CCDC85C: variants seen among roughly 807,000 people sequenced by gnomAD.
CCDC85C encodes the protein coiled-coil domain-containing protein 85C.
Under a neutral mutation model 38.3 loss-of-function variants are expected in CCDC85C, and 18 were observed. The observed-to-expected ratio is 0.47, with a 90% CI of 0.33 to 0.70. CCDC85C has a LOEUF of 0.70. Ranked by LOEUF, CCDC85C falls within the 30% of genes least tolerant of loss-of-function variation. The pLI is 0.03. For missense variants in CCDC85C, 566 were observed against 621.2 expected, an observed-to-expected ratio of 0.91 and a Z score of 0.94; for synonymous variants, 264 against 293.8, an observed-to-expected ratio of 0.90 and a Z score of 1.04.
At position 99,548,074 on chromosome 14, in the gene CCDC85C, C is replaced by T. The variant is rs184999526; in HGVS notation, c.794-11986G>A. ...AAGAACAAACCATGAAGGGAACGACCGTGAAACCCGACTATATGAGGATTA... is the reference window on the plus strand; with the variant it reads ...AAGAACAAACCATGAAGGGAACGACTGTGAAACCCGACTATATGAGGATTA... On this transcript the variant is annotated intron_variant, in intron 1 of 5. Transcript: ENST00000380243. The surrounding 1 kb of genome is among the most constrained non-coding windows in gnomAD (Gnocchi z 4.9). 2.8e-3 allele frequency among the ~76,000 whole-genome samples: 431 copies of T among 152,116 alleles called. 1 individual carries two copies. Among genetic ancestry groups the T allele is most frequent in the Non-Finnish European group, 2.5e-3 (170 of 67,992 alleles).
chr14:99,513,264 A>G lies in CCDC85C; in HGVS notation c.*1982T>C, dbSNP rs769830285. 2.0e-5 allele frequency: 3 copies of G among 152,182 alleles called. No individual in the cohort carries two copies. The highest frequency in any genetic ancestry group is 4.4e-5 in the Non-Finnish European group (3 of 68,040). The allele number at this position is 152,182 out of a possible 1,614,324, so 9.4% of individuals were successfully genotyped here. ...GGCTCCCAGACTTGGCTGCCACTCA[A>G]AATGGACCCACAGCCCTTGGGCTAC... On this transcript the variant is annotated 3_prime_UTR_variant, in exon 6 of 6. Coordinates refer to ENST00000380243, the MANE Select transcript of CCDC85C (RefSeq NM_001144995.2).
Position 99,603,650 on chromosome 14 carries a change from CGCGCGCCAGCTT to C in CCDC85C, c.298_309del (p.Lys100_Arg103del). On this transcript the variant is annotated inframe_deletion, in exon 1 of 6. Transcript: ENST00000380243. The surrounding 1 kb of genome is among the most constrained non-coding windows in gnomAD (Gnocchi z 7.5). ...GCGTGGCGCCCGAAGCGCTGCCACT[CGCGCGCCAGCTT>C]GCGCCCCTTCTGCCGGTCGTCGTCG... 6.8e-7 allele frequency: 1 copy of C among 1,478,258 alleles called. No individual in the cohort carries two copies. Among genetic ancestry groups the C allele is most frequent in the Admixed American group, 2.2e-5 (1 of 46,050 alleles). The allele number at this position is 1,478,258 out of a possible 1,614,324, so 91.6% of individuals were successfully genotyped here.
chr14:99,501,065 A>G lies in CCDC85C; in HGVS notation c.*14181T>C. The G allele has an allele frequency of 3.3e-6, 2 of 604,134 alleles. No homozygotes were observed. Among genetic ancestry groups the G allele is most frequent in the Non-Finnish European group, 5.8e-6 (2 of 343,548 alleles). 37.4% of individuals were successfully genotyped at this position (604,134 alleles called of 1,614,324 possible). A position where few individuals can be genotyped will look rare whatever the true frequency, so the allele number is the denominator to read the frequency against. ...CTTTTATGTATAAACAGGCTCTGTC[A>G]TCCAGTTGCCAAGTGATGGGAGAGG... On this transcript the variant is annotated 3_prime_UTR_variant, in exon 6 of 6. Transcript: ENST00000380243.
intron 1 of CCDC85C, among the ~76,000 whole-genome samples, chr14:99,598,752 G>C (rs1488432563): frequency 1.3e-5 from 2 of 152,136 alleles, no homozygotes; most frequent in Non-Finnish European, 2.9e-5. Context: ...GCAAGTCACC[G>C]CACCACCACT....
At chr14:99,561,623 G>A (rs977613305) in intron 1 of CCDC85C, among the ~76,000 whole-genome samples, 5 of 152,158 alleles carry the variant, frequency 3.3e-5, no homozygotes, top group African/African-American at 1.2e-4. Context: ...TCTGTGCTGC[G>A]AGCGGGCAGA....
In CCDC85C at chr14:99,576,889, C is replaced by T. The variant is rs1335996301; in HGVS notation, c.793+26278G>A. Among the ~76,000 whole-genome samples the T allele has an allele frequency of 6.6e-6, 1 of 152,000 alleles. No homozygotes were observed. Among genetic ancestry groups the T allele is most frequent in the Non-Finnish European group, 1.5e-5 (1 of 67,960 alleles). On this transcript the variant is annotated intron_variant, in intron 1 of 5. Transcript: ENST00000380243. This position sits in a 1 kb window ranked among gnomAD's most constrained non-coding sequence, Gnocchi z 4.8. Reference sequence around the variant, plus strand: ...GGGGCAGCACTCTCTCCGGGTCACCCCGGATGCCTTCAGCACAGCTCCTAC... The same window carrying T: ...GGGGCAGCACTCTCTCCGGGTCACCTCGGATGCCTTCAGCACAGCTCCTAC...
In CCDC85C at chr14:99,520,652, G is replaced by A. The variant is rs1049394107; in HGVS notation, c.975+1481C>T. Among the ~76,000 whole-genome samples, 4 of 152,022 alleles carry A rather than the reference G, an allele frequency of 2.6e-5. No homozygotes were observed. The highest frequency in any genetic ancestry group is 1.9e-4 in the East Asian group (1 of 5,160). On this transcript the variant is annotated intron_variant, in intron 3 of 5. Coordinates refer to ENST00000380243, the MANE Select transcript of CCDC85C (RefSeq NM_001144995.2). This position sits in a 1 kb window ranked among gnomAD's most constrained non-coding sequence, Gnocchi z 4.1. ...GCCCCTGAACCTCAGTTTATCACCC[G>A]GCCTCCTGGCCTCATGGAGGAGCGA...
chr14:99,594,920 T>G (rs2055127461), intron 1 of CCDC85C, among the ~76,000 whole-genome samples: 1 of 152,192 alleles, frequency 6.6e-6, no homozygotes, highest in Non-Finnish European at 1.5e-5. Flanking sequence ...TGCATATTTA[T>G]CAGGTGGGGA....
chr14:99,591,879 C>A (rs990346395), intron 1 of CCDC85C, among the ~76,000 whole-genome samples: 6 of 152,062 alleles, frequency 3.9e-5, no homozygotes, highest in African/African-American at 1.4e-4. Context: ...GGATTACAGG[C>A]ATGTACCACC....
chr14:99,521,062 C>A (rs112072581), intron 3 of CCDC85C, among the ~76,000 whole-genome samples: 2 of 152,182 alleles, frequency 1.3e-5, no homozygotes, highest in Non-Finnish European at 2.9e-5. Flanking sequence ...GCAGGCCACG[C>A]GGAAGACTTC....
chr14:99,555,048 G>A, intron 1 of CCDC85C, among the ~76,000 whole-genome samples: 1 of 152,390 alleles, frequency 6.6e-6, no homozygotes, highest in East Asian at 1.9e-4. Flanking sequence ...GGGAGAGCCA[G>A]TGCCAGGATG....
In CCDC85C at chr14:99,503,711, A is replaced by C; in HGVS notation, c.*11535T>G. ...TATGCAAAACTTTAAATTCTTAGCCAACATTGTTTCTTTTCAGATCTAAAT... is the reference window on the plus strand; with the variant it reads ...TATGCAAAACTTTAAATTCTTAGCCCACATTGTTTCTTTTCAGATCTAAAT... On this transcript the variant is annotated 3_prime_UTR_variant, in exon 6 of 6. Coordinates refer to ENST00000380243, the MANE Select transcript of CCDC85C (RefSeq NM_001144995.2). 2 of 1,366,108 alleles carry C rather than the reference A, an allele frequency of 1.5e-6. No homozygotes were observed. The highest frequency in any genetic ancestry group is 2.6e-5 in the South Asian group (2 of 75,862). The allele number at this position is 1,366,108 out of a possible 1,614,324, so 84.6% of individuals were successfully genotyped here.
chr14:99,510,296 GCCCCCGCCCCCAC>G lies in CCDC85C; in HGVS notation c.*4937_*4949del. On this transcript the variant is annotated 3_prime_UTR_variant, in exon 6 of 6. Coordinates refer to ENST00000380243, the MANE Select transcript of CCDC85C (RefSeq NM_001144995.2). ...ACCAGCCACCGCCGCTGCCACACCG[GCCCCCGCCCCCAC>G]CCCCCTCCAGCTACATGACCGGGAT... is the stretch of plus-strand genomic sequence containing the variant. 4 of 1,397,736 alleles carry G rather than the reference GCCCCCGCCCCCAC, an allele frequency of 2.9e-6. No homozygotes were observed. The highest frequency in any genetic ancestry group is 3.9e-6 in the Non-Finnish European group (4 of 1,038,270). The allele number at this position is 1,397,736 out of a possible 1,614,324, so 86.6% of individuals were successfully genotyped here.
intron 2 of CCDC85C, among the ~76,000 whole-genome samples, chr14:99,526,671 G>A (rs533051610): frequency 4.1e-4 from 62 of 152,292 alleles, no homozygotes; most frequent in African/African-American, 1.4e-3. Context: ...CCAGGAAGAC[G>A]AAGCACTGTG....
Position 99,548,662 on chromosome 14 carries a change from T to G in CCDC85C, c.794-12574A>C, listed in dbSNP as rs1048440773. 6.6e-6 allele frequency among the ~76,000 whole-genome samples: 1 copy of G among 151,542 alleles called. No individual in the cohort carries two copies. The highest frequency in any genetic ancestry group is 1.5e-5 in the Non-Finnish European group (1 of 67,964). On this transcript the variant is annotated intron_variant, in intron 1 of 5. Coordinates refer to ENST00000380243, the MANE Select transcript of CCDC85C (RefSeq NM_001144995.2). The surrounding 1 kb of genome is among the most constrained non-coding windows in gnomAD (Gnocchi z 4.9). ...ATGAAATACTGTAGCGAGATAAAAA[T>G]GAACAAACAAGAGCCAGGCAGAGGG...
rs1897115391 is a variant in CCDC85C, at chr14:99,510,901, A to AGAATG, written c.*4340_*4344dup. ...AATGCACGACAGTTGCAGTATGGGA[A>AGAATG]GAATGGACCGGGCCCCTGGGATAAA... On this transcript the variant is annotated 3_prime_UTR_variant, in exon 6 of 6. Coordinates refer to ENST00000380243, the MANE Select transcript of CCDC85C (RefSeq NM_001144995.2). The AGAATG allele has an allele frequency of 2.3e-6, 2 of 882,386 alleles. No homozygotes were observed. The highest frequency in any genetic ancestry group is 3.1e-6 in the Non-Finnish European group (2 of 652,792). 54.7% of individuals were successfully genotyped at this position (882,386 alleles called of 1,614,324 possible).
At chr14:99,585,597 C>T (rs1359458297) in intron 1 of CCDC85C, among the ~76,000 whole-genome samples, 2 of 152,246 alleles carry the variant, frequency 1.3e-5, no homozygotes, top group African/African-American at 2.4e-5. Flanking sequence ...TGTCACCACA[C>T]ACGCGTCTTG....
chr14:99,557,240 G>A (rs548585293), intron 1 of CCDC85C, among the ~76,000 whole-genome samples: 47 of 152,312 alleles, frequency 3.1e-4, no homozygotes, highest in African/African-American at 1.1e-3. Flanking sequence ...TGCTGTAGTC[G>A]GGATTTGAGC....
At chr14:99,594,947 G>C (rs1397186104) in intron 1 of CCDC85C, among the ~76,000 whole-genome samples, 1 of 152,236 alleles carries the variant, frequency 6.6e-6, no homozygotes, top group Non-Finnish European at 1.5e-5. Flanking sequence ...GAAAGATGGG[G>C]ATAAGCTGTA....
Sources: gnomAD v4.1 joint callset for allele counts (sites outside exome capture counted in the v4.1 genomes callset) on GRCh38, gnomAD v4.1.1 for gene constraint, Gnocchi (gnomAD v3.1) non-coding constraint, MANE v1.5 for transcripts, NCBI Gene and HGNC (gene_info 2026-07-23, HGNC 2026-07-21) for gene names.